Variants in PLB1 observed in about 807,000 individuals in gnomAD.
PLB1 encodes the protein phospholipase B1.
Under a neutral mutation model 227.4 loss-of-function variants are expected in PLB1, and 242 were observed. The observed-to-expected ratio is 1.06, with a 90% CI of 0.96 to 1.18. PLB1 has a LOEUF of 1.18. PLB1 is among the 50% of genes most tolerant of loss of function. PLB1 has a pLI of 0.00. For synonymous variants in PLB1, 757 were observed against 682.2 expected, an observed-to-expected ratio of 1.11 and a Z score of -1.71; for missense variants, 1,858 against 1,816.3, an observed-to-expected ratio of 1.02 and a Z score of -0.42.
intron 1 of PLB1, among the ~76,000 whole-genome samples, chr2:28,515,026 G>C (rs1171422169): frequency 6.6e-6 from 1 of 152,078 alleles, no homozygotes; most frequent in South Asian, 2.1e-4. Context: ...TTTTCTGTCT[G>C]TAAAGTGGGG....
chr2:28,614,221 T>C, intron 44 of PLB1, 125 bp downstream of exon 44: 2 of 976,070 alleles, frequency 2.0e-6, no homozygotes, highest in South Asian at 2.8e-5. Flanking sequence ...TACTGGGGAT[T>C]GGAATGTACA....
At chr2:28,521,820 C>T (rs1669565629) in intron 4 of PLB1, among the ~76,000 whole-genome samples, 1 of 152,008 alleles carries the variant, frequency 6.6e-6, no homozygotes, top group Non-Finnish European at 1.5e-5. Context: ...CAGTCTCCAC[C>T]CTGCTCAGAG....
chr2:28,560,746 A>G (rs1013904710), intron 17 of PLB1, among the ~76,000 whole-genome samples: 2 of 152,252 alleles, frequency 1.3e-5, no homozygotes, highest in Non-Finnish European at 2.9e-5. Context: ...CACGTATTAT[A>G]TTATTCTATT....
intron 20 of PLB1, among the ~76,000 whole-genome samples, chr2:28,569,842 T>C (rs1677696982): frequency 2.0e-5 from 3 of 151,580 alleles, no homozygotes; most frequent in Non-Finnish European, 4.4e-5. Flanking sequence ...GGTGGGCGCC[T>C]GTAGTCCCAG....
intron 17 of PLB1, among the ~76,000 whole-genome samples, chr2:28,558,137 TA>T (rs1353135072): frequency 4.5e-5 from 6 of 133,864 alleles, no homozygotes; most frequent in Middle Eastern, 3.4e-3. Context: ...GACATAAACA[TA>T]GGGGGGTGTG....
At chr2:28,622,498 CTTCAGT>C (rs992532246) in intron 49 of PLB1, among the ~76,000 whole-genome samples, 10 of 152,292 alleles carry the variant, frequency 6.6e-5, no homozygotes, top group African/African-American at 2.2e-4. Context: ...AATAATGGAT[CTTCAGT>C]TTCAAAGTTT....
chr2:28,529,249 G>T lies in PLB1; in HGVS notation c.326-68G>T. The T allele has an allele frequency of 4.7e-6, 5 of 1,070,858 alleles. No individual in the cohort carries two copies. The East Asian group carries it at 1.2e-4, about 25-fold the overall frequency. 66.3% of individuals were successfully genotyped at this position (1,070,858 alleles called of 1,614,324 possible). A position where few individuals can be genotyped will look rare whatever the true frequency, so the allele number is the denominator to read the frequency against. ...CATGAGCCACCACTCCTGGCAGTAGGTAGGTCAGTCTTTAGAGGTGGCCTT... is the reference window on the plus strand; with the variant it reads ...CATGAGCCACCACTCCTGGCAGTAGTTAGGTCAGTCTTTAGAGGTGGCCTT... On this transcript the variant is annotated intron_variant, in intron 6 of 57. Transcript: ENST00000327757.
intron 13 of PLB1, among the ~76,000 whole-genome samples, chr2:28,542,216 C>T (rs1672608199): frequency 6.6e-6 from 1 of 152,266 alleles, no homozygotes; most frequent in South Asian, 2.1e-4. Flanking sequence ...TTCCACCTTA[C>T]CCCAATAAGC....
intron 20 of PLB1, among the ~76,000 whole-genome samples, chr2:28,569,170 G>C (rs191395217): frequency 2.7e-3 from 408 of 152,314 alleles, no homozygotes; most frequent in Non-Finnish European, 4.5e-3. Flanking sequence ...TACCCGGCCA[G>C]TTTCTTTCTC....
At position 28,581,976 on chromosome 2, in the gene PLB1, AAAAAG is replaced by A; in HGVS notation, c.1567-89_1567-85del. On this transcript the variant is annotated intron_variant, in intron 23 of 57. Transcript: ENST00000327757. ...ATCCTATCTCAAAAAAAGAAAAAAA[AAAAAG>A]AAGGGGACCCAAGAGAGAAAGTAGC... is the stretch of plus-strand genomic sequence containing the variant. 4 of 1,303,062 alleles carry A rather than the reference AAAAAG, an allele frequency of 3.1e-6. No homozygotes were observed. The South Asian group carries it at 5.2e-5, about 17-fold the overall frequency. The allele number at this position is 1,303,062 out of a possible 1,614,324, so 80.7% of individuals were successfully genotyped here.
At position 28,539,217 on chromosome 2, in the gene PLB1, C is replaced by T. The variant is rs200877115; in HGVS notation, c.698+39C>T. 2.6e-5 allele frequency: 40 copies of T among 1,538,730 alleles called. No homozygotes were observed. In the Middle Eastern group the frequency reaches 6.8e-4, roughly 26 times the overall value. ...TGGAATGAGACACGCATCTGTGACA[C>T]GGCTGTCACGTGTGCGGCCTGTGGG... On this transcript the variant is annotated intron_variant, in intron 11 of 57. Transcript: ENST00000327757.
At chr2:28,533,773 T>C (rs954782026) in intron 9 of PLB1, among the ~76,000 whole-genome samples, 2 of 152,270 alleles carry the variant, frequency 1.3e-5, no homozygotes, top group African/African-American at 4.8e-5. Flanking sequence ...ATACTTCATC[T>C]TGTGTTTAAA....
At chr2:28,529,986 T>C (rs895299450) in intron 8 of PLB1, among the ~76,000 whole-genome samples, 1 of 152,170 alleles carries the variant, frequency 6.6e-6, no homozygotes, top group Non-Finnish European at 1.5e-5. Context: ...TTTTTATTTA[T>C]TTATTTATTT....
intron 33 of PLB1, among the ~76,000 whole-genome samples, chr2:28,597,031 A>C (rs978937696): frequency 6.6e-6 from 1 of 152,200 alleles, no homozygotes; most frequent in African/African-American, 2.4e-5. Context: ...TGGGAGGCTG[A>C]GGCGGGCGAA....
Position 28,625,113 on chromosome 2 carries a change from G to GT in PLB1, c.3579+6dup. 6.2e-7 allele frequency: 1 copy of GT among 1,611,400 alleles called. No individual in the cohort carries two copies. The highest frequency in any genetic ancestry group is 8.5e-7 in the Non-Finnish European group (1 of 1,178,576). On this transcript the variant is annotated splice_donor_region_variant and intron_variant, in intron 50 of 57. Transcript: ENST00000327757. ...GAGCGAATGAAAAACAGCCCCGTGA[G>GT]TACAGGCCCCCAGGCCACCCCTGAA...
chr2:28,600,999 A>T, intron 36 of PLB1, 139 bp downstream of exon 36: 1 of 823,282 alleles, frequency 1.2e-6, no homozygotes, highest in Non-Finnish European at 2.0e-6. Context: ...CAGCCCCCTG[A>T]CAGAGGTCCT....
rs555020306 is a variant in PLB1 at position 28,538,613 on chromosome 2, C to T, written c.618+232C>T. On this transcript the variant is annotated intron_variant, in intron 10 of 57. Coordinates refer to ENST00000327757, the MANE Select transcript of PLB1 (RefSeq NM_153021.5). ...AGAGAAACTCGGCTCTTCCTTGAGTCCTCGGTGGCCCTGCTCTTCCCTAAG... is the reference window on the plus strand; with the variant it reads ...AGAGAAACTCGGCTCTTCCTTGAGTTCTCGGTGGCCCTGCTCTTCCCTAAG... Among the ~76,000 whole-genome samples, 5 of 152,276 alleles carry T rather than the reference C, an allele frequency of 3.3e-5. No individual in the cohort carries two copies. In the South Asian group the frequency reaches 1.0e-3, roughly 32 times the overall value.
chr2:28,569,411 A>G (rs1677617450), intron 20 of PLB1, among the ~76,000 whole-genome samples: 1 of 152,172 alleles, frequency 6.6e-6, no homozygotes, highest in South Asian at 2.1e-4. Context: ...GAAAAAGTGA[A>G]AAGTGTGGAT....
At chr2:28,580,195 C>T (rs1212380895) in intron 23 of PLB1, among the ~76,000 whole-genome samples, 1 of 152,206 alleles carries the variant, frequency 6.6e-6, no homozygotes, top group Admixed American at 6.5e-5. Flanking sequence ...TGCGTGTCCT[C>T]CTGGAACCTC....
Sources: allele counts gnomAD v4.1 joint callset (sites outside exome capture counted in the v4.1 genomes callset), GRCh38; gene constraint gnomAD v4.1.1; transcripts MANE v1.5; gene names NCBI Gene and HGNC (gene_info 2026-07-23, HGNC 2026-07-21).